RTL4: variants seen among roughly 807,000 people sequenced by gnomAD.
RTL4 encodes retrotransposon Gag like 4, also known as retrotransposon Gag-like protein 4.
In RTL4, 4 loss-of-function variants were observed where a neutral mutation model predicts 5.3. That is an observed-to-expected ratio of 0.75 (90% CI 0.37 to 1.72). RTL4 has a LOEUF of 1.72. RTL4 is among the 40% of genes most tolerant of loss of function. The pLI is 0.04. For missense variants in RTL4, 260 were observed against 227.1 expected (o/e 1.14, Z -0.93); for synonymous variants, 98 against 87.3 (o/e 1.12, Z -0.68).
chrX:112,129,499 A>G, the RTL4 span, among the ~76,000 whole-genome samples: 4 of 112,425 alleles, frequency 3.6e-5, no homozygotes, highest in Non-Finnish European at 5.6e-5. Flanking sequence ...GATAAAATGT[A>G]TTAGCAAAAA....
the RTL4 span, among the ~76,000 whole-genome samples, chrX:112,274,288 G>A: frequency 2.7e-5 from 3 of 111,650 alleles, no homozygotes; most frequent in African/African-American, 9.8e-5. Flanking sequence ...TATTGAGTTC[G>A]AGAAGCTGGA....
chrX:112,123,900 AT>A, the RTL4 span, among the ~76,000 whole-genome samples: 1 of 111,807 alleles, frequency 8.9e-6, no homozygotes, highest in Admixed American at 9.5e-5. Flanking sequence ...TGAACAGGCA[AT>A]GTACACAATG....
chrX:112,439,547 T>C, the RTL4 span, among the ~76,000 whole-genome samples: 1 of 112,091 alleles, frequency 8.9e-6, no homozygotes, highest in Non-Finnish European at 1.9e-5. Flanking sequence ...TCTCCCATGA[T>C]TTTTGTAAAG....
chrX:112,169,394 G>A, the RTL4 span, among the ~76,000 whole-genome samples: 3 of 111,210 alleles, frequency 2.7e-5, no homozygotes, highest in South Asian at 3.8e-4. Flanking sequence ...GATTACAGGC[G>A]TGAGCCACTG....
the RTL4 span, among the ~76,000 whole-genome samples, chrX:112,422,679 C>T: frequency 2.7e-5 from 3 of 111,015 alleles, no homozygotes; most frequent in Admixed American, 9.7e-5. Flanking sequence ...ACATCCAAGC[C>T]CTCAAAAGCC....
At chrX:112,443,951 C>T in the RTL4 span, among the ~76,000 whole-genome samples, 1 of 111,379 alleles carries the variant, frequency 9.0e-6, no homozygotes, top group Non-Finnish European at 1.9e-5. Context: ...TTAATGTGAT[C>T]CACACTTGTC....
At chrX:112,091,040 A>G in the RTL4 span, among the ~76,000 whole-genome samples, 2 of 111,053 alleles carry the variant, frequency 1.8e-5, no homozygotes, top group African/African-American at 3.3e-5. Flanking sequence ...TTCTTGTTGT[A>G]TAATTGTTCA....
the RTL4 span, among the ~76,000 whole-genome samples, chrX:112,231,605 A>T: frequency 2.9e-5 from 3 of 104,677 alleles, no homozygotes; most frequent in African/African-American, 6.9e-5. Flanking sequence ...TAGCATTAGG[A>T]GATATACCTA....
the RTL4 span, among the ~76,000 whole-genome samples, chrX:112,228,203 T>TA: frequency 5.7e-4 from 59 of 103,875 alleles, no homozygotes; most frequent in African/African-American, 1.8e-3. Context: ...ATTTCAATAA[T>TA]AAAAAAAAAA....
chrX:112,234,553 C>A, the RTL4 span, among the ~76,000 whole-genome samples: 4 of 111,795 alleles, frequency 3.6e-5, no homozygotes, highest in Non-Finnish European at 5.6e-5. Flanking sequence ...GTGGTCGACT[C>A]GCCAAGGTTT....
At chrX:112,293,246 T>C in the RTL4 span, among the ~76,000 whole-genome samples, 4 of 112,422 alleles carry the variant, frequency 3.6e-5, no homozygotes, top group Non-Finnish European at 7.5e-5. Context: ...GCTGGCTAAG[T>C]CAGAGAAGGT....
At chrX:112,200,234 C>T in the RTL4 span, among the ~76,000 whole-genome samples, 188 of 112,008 alleles carry the variant, frequency 1.7e-3, 2 homozygotes, top group African/African-American at 5.9e-3. Flanking sequence ...TCAACACAGA[C>T]TGTCCGTGCC....
the RTL4 span, among the ~76,000 whole-genome samples, chrX:112,225,828 G>GT: frequency 9.6e-4 from 108 of 112,079 alleles, no homozygotes; most frequent in Non-Finnish European, 1.6e-3. Context: ...TTAATGTGGA[G>GT]TTTTTGGAAA....
chrX:112,329,266 A>G, the RTL4 span, among the ~76,000 whole-genome samples: 1 of 111,271 alleles, frequency 9.0e-6, no homozygotes, highest in Non-Finnish European at 1.9e-5. Flanking sequence ...CGCTAGCAAG[A>G]CTAATAAAGA....
At chrX:112,270,176 T>C in the RTL4 span, among the ~76,000 whole-genome samples, 1 of 112,282 alleles carries the variant, frequency 8.9e-6, no homozygotes, top group Non-Finnish European at 1.9e-5. Context: ...TGAGGTCATA[T>C]CTACCAGTTG....
At chrX:112,366,389 A>G in the RTL4 span, among the ~76,000 whole-genome samples, 1 of 111,425 alleles carries the variant, frequency 9.0e-6, no homozygotes, top group Admixed American at 9.5e-5. Context: ...ATACACTCCA[A>G]TACATGCATT....
the RTL4 span, chrX:112,381,599 C>G: frequency 8.4e-7 from 1 of 1,191,281 alleles, no homozygotes; most frequent in Non-Finnish European, 1.1e-6. Context: ...AGAGATTGAG[C>G]GAAGAAGACA....
the RTL4 span, among the ~76,000 whole-genome samples, chrX:112,432,552 T>C: frequency 9.9e-6 from 1 of 100,734 alleles, no homozygotes; most frequent in Non-Finnish European, 2.0e-5. Context: ...TCTGTTCATG[T>C]CCTTTGCCCA....
chrX:112,085,800 C>T, the RTL4 span, among the ~76,000 whole-genome samples: 1 of 112,044 alleles, frequency 8.9e-6, no homozygotes, highest in East Asian at 2.8e-4. Context: ...CATGTCCAGA[C>T]TTTGCATTGA....
Sources: allele counts gnomAD v4.1 joint callset (sites outside exome capture counted in the v4.1 genomes callset), GRCh38; gene constraint gnomAD v4.1.1; transcripts MANE v1.5; gene names NCBI Gene and HGNC (gene_info 2026-07-23, HGNC 2026-07-21).